Variants in CDH4 observed in about 807,000 individuals in gnomAD.
CDH4 encodes cadherin-4.
In CDH4, 33 loss-of-function variants were observed where a neutral mutation model predicts 86.0. The observed-to-expected ratio is 0.38, with a 90% confidence interval of 0.29 to 0.51. The LOEUF (loss-of-function observed/expected upper bound fraction) is 0.51. CDH4 is among the 20% of genes least tolerant of loss of function. The pLI, the probability that CDH4 is intolerant of heterozygous loss-of-function variation, is 0.86. For synonymous variants in CDH4, 555 were observed against 549.4 expected (o/e 1.01, Z -0.14); for missense variants, 1,114 against 1,307.4 (o/e 0.85, Z 2.28).
At chr20:61,799,386 C>T (rs141689466) in intron 4 of CDH4, among the ~76,000 whole-genome samples, 2 of 152,314 alleles carry the variant, frequency 1.3e-5, no homozygotes, top group East Asian at 1.9e-4. Context: ...CTGGAGAACA[C>T]GAGCAAGCTA....
chr20:61,764,163 G>A (rs1255025932), intron 3 of CDH4, among the ~76,000 whole-genome samples: 1 of 152,212 alleles, frequency 6.6e-6, no homozygotes, highest in Non-Finnish European at 1.5e-5. Context: ...AAAATATTGT[G>A]GCCCCAAGAA....
At chr20:61,672,955 TAGA>T (rs966542922) in intron 2 of CDH4, among the ~76,000 whole-genome samples, 18 of 151,476 alleles carry the variant, frequency 1.2e-4, no homozygotes, top group African/African-American at 3.9e-4. Context: ...CTAGTGTCCA[TAGA>T]AGAAGAAGAA....
At chr20:61,758,958 T>C (rs1291145480) in intron 3 of CDH4, among the ~76,000 whole-genome samples, 1 of 151,654 alleles carries the variant, frequency 6.6e-6, no homozygotes, top group African/African-American at 2.4e-5. Context: ...TATATGAGTG[T>C]GCACATGTGC....
chr20:61,522,719 TC>T (rs1008517667), intron 2 of CDH4, among the ~76,000 whole-genome samples: 1 of 127,934 alleles, frequency 7.8e-6, no homozygotes, highest in Non-Finnish European at 1.9e-5. Flanking sequence ...GCTGTTGTCT[TC>T]CGCGGAAATG....
intron 8 of CDH4, 73 bp downstream of exon 8, chr20:61,895,120 T>C: frequency 6.5e-7 from 1 of 1,534,600 alleles, no homozygotes; most frequent in Non-Finnish European, 8.9e-7. Flanking sequence ...CGGCACAGCC[T>C]CCTCTCTCTC....
intron 2 of CDH4, among the ~76,000 whole-genome samples, chr20:61,348,343 G>C (rs1402670219): frequency 6.6e-6 from 1 of 152,094 alleles, no homozygotes; most frequent in African/African-American, 2.4e-5. Flanking sequence ...AACAGCACGG[G>C]AAAGACCCAC....
At chr20:61,855,372 G>GGCAGC (rs1488840223) in intron 6 of CDH4, among the ~76,000 whole-genome samples, 1 of 152,208 alleles carries the variant, frequency 6.6e-6, no homozygotes, top group Non-Finnish European at 1.5e-5. Context: ...TGGAACCATG[G>GGCAGC]GCAGCTGGTC....
At chr20:61,773,697 C>G (rs1238648320) in intron 4 of CDH4, among the ~76,000 whole-genome samples, 1 of 152,192 alleles carries the variant, frequency 6.6e-6, no homozygotes, top group African/African-American at 2.4e-5. Context: ...TTATCAAGGC[C>G]ATCAACGAGC....
intron 4 of CDH4, among the ~76,000 whole-genome samples, chr20:61,812,276 C>G (rs1980480594): frequency 6.6e-6 from 1 of 152,134 alleles, no homozygotes; most frequent in Non-Finnish European, 1.5e-5. Context: ...TCAGCCCCAT[C>G]CCTGCCAGAG....
intron 2 of CDH4, among the ~76,000 whole-genome samples, chr20:61,431,590 A>G (rs1810798): frequency 0.64 from 97,054 of 151,874 alleles, 32,248 homozygotes; most frequent in African/African-American, 0.83. Context: ...AAACTCCTGG[A>G]CTCAAGTGAT....
intron 2 of CDH4, among the ~76,000 whole-genome samples, chr20:61,729,054 G>A (rs944948236): frequency 6.6e-6 from 1 of 152,160 alleles, no homozygotes; most frequent in African/African-American, 2.4e-5. Flanking sequence ...AGCCGTCCTC[G>A]CCCATGTGGG....
chr20:61,704,456 C>T (rs552940268), intron 2 of CDH4, among the ~76,000 whole-genome samples: 1 of 152,236 alleles, frequency 6.6e-6, no homozygotes, highest in South Asian at 2.1e-4. Flanking sequence ...CCTTTCAGCC[C>T]AAGTCAAGTT....
At chr20:61,318,228 A>G (rs1048347098) in intron 2 of CDH4, among the ~76,000 whole-genome samples, 1 of 152,126 alleles carries the variant, frequency 6.6e-6, no homozygotes, top group Non-Finnish European at 1.5e-5. Context: ...CTTTGCGTTG[A>G]CGACTCTCCC....
chr20:61,318,086 T>A (rs1002981043), intron 2 of CDH4, among the ~76,000 whole-genome samples: 1 of 152,076 alleles, frequency 6.6e-6, no homozygotes, highest in Non-Finnish European at 1.5e-5. Context: ...GAGGGACACT[T>A]TTCACCTGAA....
intron 2 of CDH4, among the ~76,000 whole-genome samples, chr20:61,262,438 G>T (rs948814415): frequency 6.6e-6 from 1 of 152,198 alleles, no homozygotes; most frequent in Non-Finnish European, 1.5e-5. Flanking sequence ...CCCTTTGCAC[G>T]CTTTTGCCTC....
chr20:61,573,740 T>C (rs2086362573), intron 2 of CDH4, among the ~76,000 whole-genome samples: 2 of 152,336 alleles, frequency 1.3e-5, no homozygotes, highest in Non-Finnish European at 1.5e-5. Context: ...CAACAGCCGA[T>C]GTGCTCTGGG....
chr20:61,744,046 G>A (rs1472783885), intron 3 of CDH4, among the ~76,000 whole-genome samples: 4 of 152,332 alleles, frequency 2.6e-5, no homozygotes, highest in South Asian at 4.1e-4. Context: ...CGGTCTTGTC[G>A]CTCTTCATAT....
chr20:61,852,944 G>A (rs187152989), intron 6 of CDH4, 46 bp downstream of exon 6: 47 of 1,604,834 alleles, frequency 2.9e-5, no homozygotes, highest in Admixed American at 2.0e-4. Context: ...TGGGCTCTGC[G>A]GGTGCAGCAC....
At chr20:61,507,434 G>A (rs1265711085) in intron 2 of CDH4, among the ~76,000 whole-genome samples, 1 of 152,148 alleles carries the variant, frequency 6.6e-6, no homozygotes, top group Non-Finnish European at 1.5e-5. Context: ...ACGGGAGATC[G>A]CTGGCCAGCA....
Sources: allele counts gnomAD v4.1 joint callset (sites outside exome capture counted in the v4.1 genomes callset), GRCh38; gene constraint gnomAD v4.1.1; transcripts MANE v1.5; gene names NCBI Gene and HGNC (gene_info 2026-07-23, HGNC 2026-07-21).